The following CCDC141 variants were observed in gnomAD, a reference collection of about 807,000 sequenced individuals.
CCDC141 encodes the protein coiled-coil domain-containing protein 141.
A neutral mutation model predicts 181.0 loss-of-function variants in CCDC141; 168 were observed. The ratio of observed to expected loss-of-function variants is 0.93; its 90% CI spans 0.82 to 1.05. The LOEUF (loss-of-function observed/expected upper bound fraction) is 1.05. CCDC141 is among the 50% of genes least tolerant of loss of function. The pLI is 0.00. For missense variants in CCDC141, 1,902 were observed against 1,788.5 expected (o/e 1.06, Z -1.14); for synonymous variants, 666 against 642.3 (o/e 1.04, Z -0.56).
intron 8 of CCDC141, among the ~76,000 whole-genome samples, chr2:178,894,258 A>G (rs1687303511): frequency 6.6e-6 from 1 of 152,156 alleles, no homozygotes; most frequent in Non-Finnish European, 1.5e-5. Context: ...TGAAGGTCCT[A>G]TGAGTCCAGG....
intron 12 of CCDC141, chr2:178,874,710 G>A (rs1171601858): frequency 1.3e-5 from 2 of 152,258 alleles, no homozygotes; most frequent in African/African-American, 2.4e-5. Context: ...GAACCTGACA[G>A]GGGTGAGCTC....
Position 178,868,185 on chromosome 2 carries a change from T to C in CCDC141, c.2415A>G (p.Ser805=). 1 of 1,610,224 alleles carries C rather than the reference T, an allele frequency of 6.2e-7. No individual in the cohort carries two copies. The highest frequency in any genetic ancestry group is 8.5e-7 in the Non-Finnish European group (1 of 1,176,702). ...VKEELGRLIK[S]RELEFVEQPK... ...GCTGCTCTACAAACTCCAGCTCTCT[T>C]GATTTGATGAGACGTCCCAGCTACA... Residue 805 remains serine, a synonymous_variant, in exon 16 of 24, where the codon TCA becomes TCG. Transcript: ENST00000443758.
intron 23 of CCDC141, chr2:178,835,913 A>G (rs1273062689): frequency 6.6e-6 from 1 of 152,658 alleles, no homozygotes; most frequent in African/African-American, 2.4e-5. Context: ...AGTTTTTTAA[A>G]TAATTTGAGA....
At chr2:178,848,081 G>C (rs1300503047) in intron 21 of CCDC141, among the ~76,000 whole-genome samples, 1 of 152,198 alleles carries the variant, frequency 6.6e-6, no homozygotes, top group Non-Finnish European at 1.5e-5. Context: ...AGGCACACAA[G>C]TGGCATGGGA....
At chr2:178,824,515 A>G in the CCDC141 span, among the ~76,000 whole-genome samples, 3 of 147,128 alleles carry the variant, frequency 2.0e-5, no homozygotes, top group African/African-American at 7.5e-5. Flanking sequence ...GCTACTCAGG[A>G]GGCTGAGGCA....
intron 8 of CCDC141, among the ~76,000 whole-genome samples, chr2:178,891,878 T>C (rs937862767): frequency 2.0e-5 from 3 of 152,006 alleles, no homozygotes; most frequent in Non-Finnish European, 4.4e-5. Flanking sequence ...TGTTGTAAAT[T>C]CTTTGAGGGA....
chr2:178,935,489 G>A (rs34911297), intron 6 of CCDC141, among the ~76,000 whole-genome samples: 33,227 of 152,082 alleles, frequency 0.22, 3,780 homozygotes, highest in Middle Eastern at 0.28. Context: ...ATTCCATGGT[G>A]TATATGTACC....
intron 2 of CCDC141, 40 bp from the exon 3 acceptor site, chr2:178,978,715 T>C (rs753821388): frequency 7.8e-6 from 11 of 1,404,928 alleles, no homozygotes; most frequent in Non-Finnish European, 8.5e-6. Context: ...GGGTGTTAAC[T>C]TAATGTAAGA....
chr2:178,834,789 AG>A (rs1684409693), intron 23 of CCDC141, among the ~76,000 whole-genome samples: 1 of 151,338 alleles, frequency 6.6e-6, no homozygotes, highest in African/African-American at 2.4e-5. Flanking sequence ...TATGTTACCC[AG>A]GCTGGTCTTG....
intron 20 of CCDC141, among the ~76,000 whole-genome samples, chr2:178,851,765 A>C (rs532347736): frequency 2.0e-5 from 3 of 152,338 alleles, no homozygotes; most frequent in African/African-American, 7.2e-5. Flanking sequence ...CCATGACTTC[A>C]AGGACTAGAC....
At chr2:178,977,988 T>C (rs1329693788) in intron 3 of CCDC141, among the ~76,000 whole-genome samples, 1 of 152,200 alleles carries the variant, frequency 6.6e-6, no homozygotes, top group Admixed American at 6.5e-5. Context: ...AAATCAACTA[T>C]ACGCCTTAGG....
At position 178,856,719 on chromosome 2, in the gene CCDC141, G is replaced by A. The variant is rs191757638; in HGVS notation, c.2725-322C>T. On this transcript the variant is annotated intron_variant, in intron 17 of 23. Coordinates refer to ENST00000443758, the MANE Select transcript of CCDC141 (RefSeq NM_173648.4). ...TTCTCATGTCTCTCCTAAGTAGCTA[G>A]GACTGCAGATGTGTGCCACCATGCC... Among the ~76,000 whole-genome samples, 197 of 152,176 alleles carry A rather than the reference G, an allele frequency of 1.3e-3. 1 individual carries two copies. Among genetic ancestry groups the A allele is most frequent in the African/African-American group, 4.6e-3 (190 of 41,502 alleles).
intron 8 of CCDC141, among the ~76,000 whole-genome samples, chr2:178,896,319 C>T (rs1419971392): frequency 1.3e-5 from 2 of 152,166 alleles, no homozygotes; most frequent in Non-Finnish European, 2.9e-5. Context: ...GTGACCGCAA[C>T]ATCCACTGTA....
chr2:179,030,839 C>A (rs1226780689), intron 2 of CCDC141, among the ~76,000 whole-genome samples: 1 of 151,918 alleles, frequency 6.6e-6, no homozygotes, highest in Non-Finnish European at 1.5e-5. Flanking sequence ...AATAATTTGG[C>A]CTGGTTTTCT....
chr2:178,892,704 C>A (rs2154371396), intron 8 of CCDC141, among the ~76,000 whole-genome samples: 1 of 152,148 alleles, frequency 6.6e-6, no homozygotes, highest in East Asian at 1.9e-4. Context: ...AAAGGTATGA[C>A]CCCACTCTTT....
intron 2 of CCDC141, among the ~76,000 whole-genome samples, chr2:178,982,746 A>T (rs4416254): frequency 2.6e-5 from 4 of 152,112 alleles, no homozygotes; most frequent in Admixed American, 6.5e-5. Context: ...CCGAATACTG[A>T]GCTTTTCTGA....
At chr2:178,963,673 T>C (rs1690500807) in intron 4 of CCDC141, among the ~76,000 whole-genome samples, 1 of 152,104 alleles carries the variant, frequency 6.6e-6, no homozygotes, top group South Asian at 2.1e-4. Flanking sequence ...TTTTTTTTTT[T>C]TGGAAAGCTG....
intron 22 of CCDC141, among the ~76,000 whole-genome samples, chr2:178,841,259 T>C (rs978805810): frequency 5.3e-5 from 8 of 152,228 alleles, no homozygotes; most frequent in Admixed American, 3.9e-4. Context: ...AGTACAATTA[T>C]AACTTGGCCA....
intron 7 of CCDC141, among the ~76,000 whole-genome samples, chr2:178,914,307 A>G (rs1186624271): frequency 6.6e-6 from 1 of 152,254 alleles, no homozygotes; most frequent in African/African-American, 2.4e-5. Flanking sequence ...TTTGACAAAT[A>G]GGTTCATTCA....
Sources: gnomAD v4.1 joint callset for allele counts (sites outside exome capture counted in the v4.1 genomes callset) on GRCh38, gnomAD v4.1.1 for gene constraint, MANE v1.5 for transcripts, NCBI Gene and HGNC (gene_info 2026-07-23, HGNC 2026-07-21) for gene names.